PTK2B: variants seen among roughly 807,000 people sequenced by gnomAD.
PTK2B encodes protein tyrosine kinase 2 beta, also known as protein-tyrosine kinase 2-beta.
A neutral mutation model predicts 142.9 loss-of-function variants in PTK2B; 71 were observed. The ratio of observed to expected loss-of-function variants is 0.50; its 90% confidence interval spans 0.41 to 0.61. The LOEUF (loss-of-function observed/expected upper bound fraction) is 0.61, where lower values mean the gene tolerates loss of function less well. Among genes scored for constraint, PTK2B ranks in the 20% least tolerant of loss-of-function variants. The probability of loss-of-function intolerance (pLI) is 0.00; values close to 1 mark genes in which losing one functional copy is unlikely to be tolerated. For missense variants in PTK2B, 1,105 were observed against 1,320.4 expected (o/e 0.84, Z 2.53); for synonymous variants, 519 against 503.4 (o/e 1.03, Z -0.42).
intron 1 of PTK2B, among the ~76,000 whole-genome samples, chr8:27,333,224 C>T (rs1803865789): frequency 6.6e-6 from 1 of 152,074 alleles, no homozygotes; most frequent in African/African-American, 2.4e-5. Flanking sequence ...TGGGTGGAAC[C>T]AAGAGTGGCA....
intron 28 of PTK2B, among the ~76,000 whole-genome samples, chr8:27,453,749 G>A (rs1811967346): frequency 6.6e-6 from 1 of 152,084 alleles, no homozygotes; most frequent in Admixed American, 6.5e-5. Flanking sequence ...GCTGGACTTG[G>A]TGGCACGCCT....
At chr8:27,408,759 C>A (rs1808879046) in intron 2 of PTK2B, among the ~76,000 whole-genome samples, 1 of 152,210 alleles carries the variant, frequency 6.6e-6, no homozygotes, top group Non-Finnish European at 1.5e-5. Flanking sequence ...GTCTGTCTAA[C>A]CCAAGGTCAG....
chr8:27,430,258 G>C, intron 6 of PTK2B, 103 bp downstream of exon 6: 1 of 1,580,988 alleles, frequency 6.3e-7, no homozygotes, highest in South Asian at 1.1e-5. Flanking sequence ...AGCCACATAG[G>C]GCCGTCTCTA....
chr8:27,345,394 T>TA (rs1804656064), intron 1 of PTK2B, among the ~76,000 whole-genome samples: 4 of 152,214 alleles, frequency 2.6e-5, no homozygotes. Context: ...TTTATACATT[T>TA]AAACACATGC....
At chr8:27,347,259 A>T (rs1439699035) in intron 1 of PTK2B, among the ~76,000 whole-genome samples, 2 of 151,622 alleles carry the variant, frequency 1.3e-5, no homozygotes, top group Non-Finnish European at 2.9e-5. Flanking sequence ...ATGCGCCTGT[A>T]ATCCCAGCTA....
intron 4 of PTK2B, among the ~76,000 whole-genome samples, chr8:27,421,581 C>T (rs1482545554): frequency 6.6e-6 from 1 of 152,222 alleles, no homozygotes; most frequent in Non-Finnish European, 1.5e-5. Flanking sequence ...AGTTAATTCA[C>T]TTAGAATAAT....
At chr8:27,354,463 C>G (rs1369101743) in intron 1 of PTK2B, among the ~76,000 whole-genome samples, 1 of 152,076 alleles carries the variant, frequency 6.6e-6, no homozygotes, top group African/African-American at 2.4e-5. Flanking sequence ...GAAATTCTCC[C>G]AAGCAGGGAA....
In PTK2B at chr8:27,430,948, A is replaced by C. The variant is rs1284899566; in HGVS notation, c.742A>C (p.Met248Leu). The change falls in exon 8 of 31, where the codon ATG becomes CTG. Residue 248 changes from methionine (M) to leucine (L), a missense_variant. Coordinates refer to ENST00000346049, the MANE Select transcript of PTK2B (RefSeq NM_173176.3). ...YASLREEECV[M>L]KFFNTLAGFA... ...CTCGCTCAGGGAGGAGGAGTGCGTC[A>C]TGAAGTTCTTCAACACTCTCGCCGG... 6.2e-7 allele frequency: 1 copy of C among 1,614,230 alleles called. No individual in the cohort carries two copies. Among genetic ancestry groups the C allele is most frequent in the South Asian group, 1.1e-5 (1 of 91,088 alleles).
intron 2 of PTK2B, among the ~76,000 whole-genome samples, chr8:27,401,637 G>C (rs1051361160): frequency 6.6e-6 from 1 of 152,216 alleles, no homozygotes; most frequent in Non-Finnish European, 1.5e-5. Context: ...AATTGCTAAA[G>C]TTTGGCTATT....
intron 2 of PTK2B, among the ~76,000 whole-genome samples, chr8:27,405,035 C>CCTCTCTCTCTCTCTCTCTCT (rs3076734): frequency 0.025 from 2,934 of 118,844 alleles, 185 homozygotes; most frequent in East Asian, 0.036. Context: ...TCTTTCTCTT[C>CCTCTCTCTCTCTCTCTCTCT]CTCTCTCTCT....
In PTK2B at chr8:27,443,051, T is replaced by C. The variant is rs1017254581; in HGVS notation, c.2148+68T>C. The C allele has an allele frequency of 4.5e-6, 5 of 1,107,588 alleles. No individual in the cohort carries two copies. In the African/African-American group the frequency reaches 7.7e-5, roughly 17 times the overall value. The allele number at this position is 1,107,588 out of a possible 1,614,324, so 68.6% of individuals were successfully genotyped here. A position where few individuals can be genotyped will look rare whatever the true frequency, so the allele number is the denominator to read the frequency against. On this transcript the variant is annotated intron_variant, in intron 22 of 30. Coordinates refer to ENST00000346049, the MANE Select transcript of PTK2B (RefSeq NM_173176.3). Reference sequence around the variant, plus strand: ...AAGCCAGGTCCCTGTCTGATCCATGTCCCCCTTACTGCACAGGCAGGATGC... The same window carrying C: ...AAGCCAGGTCCCTGTCTGATCCATGCCCCCCTTACTGCACAGGCAGGATGC...
In PTK2B at chr8:27,406,393, A is replaced by C. The variant is rs78151955; in HGVS notation, c.204+8605A>C. On this transcript the variant is annotated intron_variant, in intron 2 of 30. Coordinates refer to ENST00000346049, the MANE Select transcript of PTK2B (RefSeq NM_173176.3). ...TTCAACCCATTATGACCTTCAATTC[A>C]GATCATAGTATCTGTCACTGGTACC... Among the ~76,000 whole-genome samples, 116 of 152,316 alleles carry C rather than the reference A, an allele frequency of 7.6e-4. 1 individual carries two copies. The East Asian group carries it at 0.019, about 25-fold the overall frequency.
chr8:27,447,946 AG>A (rs1050377345), intron 24 of PTK2B, among the ~76,000 whole-genome samples: 35 of 152,248 alleles, frequency 2.3e-4, no homozygotes, highest in Non-Finnish European at 3.2e-4. Context: ...TCGGTGCTGA[AG>A]GGGGGAGGCG....
intron 2 of PTK2B, among the ~76,000 whole-genome samples, chr8:27,401,012 A>C (rs1353156165): frequency 2.0e-5 from 3 of 152,090 alleles, no homozygotes; most frequent in Admixed American, 6.6e-5. Flanking sequence ...GGTGGTGTGC[A>C]CCTGTAATCC....
rs139804100 is a variant in PTK2B, at chr8:27,377,215, G to A, written c.-37-20333G>A. The stretch of plus-strand genomic sequence containing the variant: ...ATAGGTTGTTTTTGCCAAAAGGGGC[G>A]CCTGTCATTGAAATATGCAGATGCT... On this transcript the variant is annotated intron_variant, in intron 1 of 30. Coordinates refer to ENST00000346049, the MANE Select transcript of PTK2B (RefSeq NM_173176.3). 2.2e-3 allele frequency among the ~76,000 whole-genome samples: 328 copies of A among 152,306 alleles called. 1 individual carries two copies. Among genetic ancestry groups the A allele is most frequent in the African/African-American group, 7.5e-3 (310 of 41,562 alleles).
chr8:27,448,707 A>G (rs1811627800), intron 24 of PTK2B, among the ~76,000 whole-genome samples: 1 of 152,232 alleles, frequency 6.6e-6, no homozygotes, highest in African/African-American at 2.4e-5. Context: ...ACATCCAGAA[A>G]TCCCTAACTC....
intron 1 of PTK2B, among the ~76,000 whole-genome samples, chr8:27,352,657 A>G (rs1805165854): frequency 2.0e-5 from 3 of 152,210 alleles, no homozygotes; most frequent in Non-Finnish European, 4.4e-5. Context: ...TAATTGAATC[A>G]TGTGGGTAGG....
intron 1 of PTK2B, among the ~76,000 whole-genome samples, chr8:27,389,987 C>T (rs1002762230): frequency 5.3e-5 from 8 of 152,310 alleles, no homozygotes; most frequent in East Asian, 1.9e-4. Flanking sequence ...GAAAGGGCTG[C>T]GTTCTCCATC....
intron 1 of PTK2B, among the ~76,000 whole-genome samples, chr8:27,382,286 G>A (rs1183830413): frequency 6.6e-6 from 1 of 151,852 alleles, no homozygotes; most frequent in Non-Finnish European, 1.5e-5. Flanking sequence ...CAGATACTTT[G>A]CTCATTAAAA....
Sources: allele counts gnomAD v4.1 joint callset (sites outside exome capture counted in the v4.1 genomes callset), GRCh38; gene constraint gnomAD v4.1.1; transcripts MANE v1.5; gene names NCBI Gene and HGNC (gene_info 2026-07-23, HGNC 2026-07-21).